Variants in COG4 observed in about 807,000 individuals in gnomAD.
COG4 encodes component of oligomeric golgi complex 4, also known as conserved oligomeric Golgi complex subunit 4.
In COG4, 65 loss-of-function variants were observed where a neutral mutation model predicts 95.1. The ratio of observed to expected loss-of-function variants is 0.68; its 90% CI spans 0.56 to 0.84. COG4 has a LOEUF of 0.84. Ranked by LOEUF, COG4 falls within the 40% of genes least tolerant of loss-of-function variation. The probability of loss-of-function intolerance (pLI) is 0.00; values close to 1 mark genes in which losing one functional copy is unlikely to be tolerated. For synonymous variants in COG4, 421 were observed against 374.8 expected, an observed-to-expected ratio of 1.12 and a Z score of -1.42; for missense variants, 1,045 against 989.1, an observed-to-expected ratio of 1.06 and a Z score of -0.76.
At chr16:70,520,311 C>T (rs1243955560) in intron 1 of COG4, among the ~76,000 whole-genome samples, 3 of 139,942 alleles carry the variant, frequency 2.1e-5, no homozygotes, top group East Asian at 2.1e-4. Context: ...GGTGTGGTGG[C>T]GGGCGCCTGT....
chr16:70,495,188 C>G (rs936290558), intron 12 of COG4, among the ~76,000 whole-genome samples: 17 of 148,788 alleles, frequency 1.1e-4, no homozygotes, highest in Non-Finnish European at 1.5e-5. Flanking sequence ...GTCAGAAGTT[C>G]GAGACCAGCC....
intron 8 of COG4, among the ~76,000 whole-genome samples, chr16:70,506,624 A>AC (rs2049580998): frequency 7.7e-6 from 1 of 129,160 alleles, no homozygotes; most frequent in Non-Finnish European, 1.6e-5. Flanking sequence ...AAAACAAAAA[A>AC]AAAAACATTT....
In COG4 at chr16:70,498,063, A is replaced by T. The variant is rs764578571; in HGVS notation, c.1196-8T>A. ...CCAGACACTTCTGGTGCTCTAGGGG[A>T]CAGCCAAGAAAGGAATACTCATTTT... On this transcript the variant is annotated splice_region_variant and splice_polypyrimidine_tract_variant and intron_variant, in intron 9 of 18. Transcript: ENST00000323786. 17 of 1,570,962 alleles carry T rather than the reference A, an allele frequency of 1.1e-5. No individual in the cohort carries two copies. The highest frequency in any genetic ancestry group is 1.5e-5 in the Non-Finnish European group (17 of 1,140,748).
At chr16:70,515,440 C>T (rs2049801328) in intron 3 of COG4, among the ~76,000 whole-genome samples, 1 of 152,118 alleles carries the variant, frequency 6.6e-6, no homozygotes, top group African/African-American at 2.4e-5. Flanking sequence ...AATCCCAGCA[C>T]TTTCGGAAGC....
intron 12 of COG4, among the ~76,000 whole-genome samples, chr16:70,494,164 T>G (rs931426524): frequency 1.1e-4 from 17 of 152,190 alleles, no homozygotes; most frequent in Admixed American, 3.9e-4. Context: ...GTCACAAGTT[T>G]CCAAATAACT....
At chr16:70,484,664 G>T (rs747210065) in intron 13 of COG4, among the ~76,000 whole-genome samples, 2 of 152,196 alleles carry the variant, frequency 1.3e-5, no homozygotes, top group Non-Finnish European at 2.9e-5. Flanking sequence ...ACTTTGGGAG[G>T]CCAAGGTGCA....
At chr16:70,515,902 C>A in intron 3 of COG4, 1 of 426,422 alleles carries the variant, frequency 2.3e-6, no homozygotes, top group South Asian at 1.7e-5. Context: ...CTTCTGGCCT[C>A]AAGAGATCCT....
rs964751581 is a variant in COG4 at position 70,523,474 on chromosome 16, C to G, written c.70G>C (p.Val24Leu). The change falls in exon 1 of 19, where the codon GTG (valine) becomes CTG (leucine). Residue 24 changes from valine (V) to leucine (L), a missense_variant. Coordinates refer to ENST00000323786, the MANE Select transcript of COG4 (RefSeq NM_015386.3). ...LSGVQQPSEG[V>L]GGGRCSEISA... ...ATTTCGGAGCAGCGGCCACCTCCCACCCCCTCAGACGGCTGCTGCACCCCT... is the reference window on the plus strand; with the variant it reads ...ATTTCGGAGCAGCGGCCACCTCCCAGCCCCTCAGACGGCTGCTGCACCCCT... 6.2e-7 allele frequency: 1 copy of G among 1,614,094 alleles called. No individual in the cohort carries two copies. The highest frequency in any genetic ancestry group is 8.5e-7 in the Non-Finnish European group (1 of 1,180,008).
intron 1 of COG4, among the ~76,000 whole-genome samples, chr16:70,521,379 G>A (rs920381425): frequency 8.6e-5 from 13 of 151,840 alleles, no homozygotes; most frequent in African/African-American, 2.7e-4. Flanking sequence ...CATCACACCC[G>A]GCTAACTTTT....
At chr16:70,518,977 CAAAA>C (rs745760936) in intron 2 of COG4, among the ~76,000 whole-genome samples, 1 of 113,312 alleles carries the variant, frequency 8.8e-6, no homozygotes. Context: ...AGCTCCATCT[CAAAA>C]AAAAAAAAAA....
At chr16:70,522,449 T>C (rs1459468390) in intron 1 of COG4, among the ~76,000 whole-genome samples, 1 of 152,172 alleles carries the variant, frequency 6.6e-6, no homozygotes, top group Admixed American at 6.6e-5. Flanking sequence ...CGGCCCTGTT[T>C]CTAAAAATAA....
chr16:70,518,086 A>C (rs1158088853), intron 2 of COG4, among the ~76,000 whole-genome samples: 1 of 152,012 alleles, frequency 6.6e-6, no homozygotes, highest in Admixed American at 6.6e-5. Context: ...GCGTGCCACC[A>C]AGCCCAGATA....
chr16:70,503,107 G>A (rs1387193194), intron 8 of COG4, among the ~76,000 whole-genome samples: 5 of 152,150 alleles, frequency 3.3e-5, no homozygotes, highest in Non-Finnish European at 5.9e-5. Context: ...CTGGAGTACA[G>A]TGGCACAATC....
chr16:70,517,556 C>G (rs1170555333), intron 3 of COG4, 70 bp downstream of exon 3: 2 of 925,110 alleles, frequency 2.2e-6, no homozygotes, highest in African/African-American at 3.5e-5. Context: ...CCACTGTACT[C>G]CAGCCTAGGT....
At chr16:70,515,806 A>G in intron 3 of COG4, 1 of 307,456 alleles carries the variant, frequency 3.3e-6, no homozygotes, top group Non-Finnish European at 6.4e-6. Flanking sequence ...ACGTTTCACC[A>G]GTAAGTATGA....
intron 8 of COG4, among the ~76,000 whole-genome samples, chr16:70,506,351 C>T (rs2049566538): frequency 6.6e-6 from 1 of 151,204 alleles, no homozygotes; most frequent in Non-Finnish European, 1.5e-5. Flanking sequence ...TGCAGGGAGC[C>T]GAGATCGTGC....
intron 8 of COG4, 169 bp from the exon 9 acceptor site, chr16:70,501,260 T>C (rs937264373): frequency 1.5e-6 from 1 of 668,078 alleles, no homozygotes; most frequent in African/African-American, 1.8e-5. Flanking sequence ...GAGATAGCTG[T>C]CAATCACATT....
At position 70,482,149 on chromosome 16, in the gene COG4, G is replaced by A. The variant is rs767131534; in HGVS notation, c.1947C>T (p.Asn649=). Residue 649 remains asparagine, a synonymous_variant, in exon 16 of 19, where the codon AAC becomes AAT. Transcript: ENST00000323786. ...GGATGAACTGTTGTACCCAAGGGTCGTTGGCCTCATAGTCATTGAATTCTT... is the reference window on the plus strand; with the variant it reads ...GGATGAACTGTTGTACCCAAGGGTCATTGGCCTCATAGTCATTGAATTCTT... ...EEEEFNDYEA[N]DPWVQQFILN... 59 of 1,613,660 alleles carry A rather than the reference G, an allele frequency of 3.7e-5. No individual in the cohort carries two copies. Among genetic ancestry groups the A allele is most frequent in the East Asian group, 4.5e-5 (2 of 44,890 alleles).
At chr16:70,518,897 A>G (rs887202353) in intron 2 of COG4, among the ~76,000 whole-genome samples, 6 of 151,806 alleles carry the variant, frequency 4.0e-5, no homozygotes, top group African/African-American at 1.5e-4. Context: ...GAATCGCTTG[A>G]ACCTGGGAGG....
Sources: gnomAD v4.1 joint callset for allele counts (sites outside exome capture counted in the v4.1 genomes callset) on GRCh38, gnomAD v4.1.1 for gene constraint, MANE v1.5 for transcripts, NCBI Gene and HGNC (gene_info 2026-07-23, HGNC 2026-07-21) for gene names.